ADAP1: variants seen among roughly 807,000 people sequenced by gnomAD.
The protein encoded by ADAP1 is ArfGAP with dual PH domains 1.
A neutral mutation model predicts 54.9 loss-of-function variants in ADAP1; 31 were observed. That is an observed-to-expected ratio of 0.56 (90% CI 0.42 to 0.76). ADAP1 has a LOEUF of 0.76. Ranked by LOEUF, ADAP1 falls within the 30% of genes least tolerant of loss-of-function variation. The pLI, the probability that ADAP1 is intolerant of heterozygous loss-of-function variation, is 0.00. For synonymous variants in ADAP1, 313 were observed against 202.6 expected (o/e 1.55, Z -4.63); for missense variants, 535 against 512.4 (o/e 1.04, Z -0.42).
chr7:909,769 G>A (rs912244867), intron 4 of ADAP1, among the ~76,000 whole-genome samples: 1 of 152,238 alleles, frequency 6.6e-6, no homozygotes, highest in Non-Finnish European at 1.5e-5. Flanking sequence ...TCCTGGGGCA[G>A]GACTCGACCA....
Position 899,103 on chromosome 7 carries a change from G to C in ADAP1, c.1026C>G (p.Ser342=). Residue 342 remains serine (S), a synonymous_variant, in exon 10 of 11, where the codon TCC becomes TCG. Transcript: ENST00000265846. ...RKFLFACETE[S]DQREWVAAFQ... is the part of the protein sequence containing the mutation. ...AGGCCGCCACCCACTCCCTCTGGTC[G>C]GACTCCGTCTCGCAGGCAAACAGAA... 2 of 1,608,526 alleles carry C rather than the reference G, an allele frequency of 1.2e-6. No homozygotes were observed. The highest frequency in any genetic ancestry group is 1.7e-6 in the Non-Finnish European group (2 of 1,179,936).
intron 2 of ADAP1, among the ~76,000 whole-genome samples, chr7:931,096 A>G (rs1395892428): frequency 6.6e-6 from 1 of 150,694 alleles, no homozygotes; most frequent in Non-Finnish European, 1.5e-5. Flanking sequence ...GGAAGGAAGG[A>G]CGGAGGGACG....
chr7:931,603 T>G (rs1415691464), intron 2 of ADAP1, among the ~76,000 whole-genome samples: 1 of 152,030 alleles, frequency 6.6e-6, no homozygotes, highest in Non-Finnish European at 1.5e-5. Context: ...GGACTTCCTT[T>G]CTGGGGTGAT....
intron 6 of ADAP1, chr7:901,030 G>A (rs1416902996): frequency 2.1e-6 from 1 of 474,252 alleles, no homozygotes; most frequent in Admixed American, 2.3e-5. Context: ...GCTCAAGCAA[G>A]TCTTGGGGTG....
intron 1 of ADAP1, among the ~76,000 whole-genome samples, chr7:936,691 G>A (rs527500474): frequency 6.6e-6 from 1 of 152,226 alleles, no homozygotes; most frequent in Non-Finnish European, 1.5e-5. Context: ...ACCCTAGAGA[G>A]AACAGTCTCT....
intron 4 of ADAP1, among the ~76,000 whole-genome samples, chr7:905,838 G>A (rs199609794): frequency 5.2e-3 from 190 of 36,846 alleles, no homozygotes; most frequent in Middle Eastern, 0.026. Flanking sequence ...GAAGGGAGAA[G>A]GGAGAAGGGA....
intron 4 of ADAP1, among the ~76,000 whole-genome samples, 179 bp downstream of exon 4, chr7:919,789 G>GGGGAAGGGGGGA (rs1554274804): frequency 6.7e-5 from 1 of 14,992 alleles, no homozygotes; most frequent in Non-Finnish European, 1.2e-4. Context: ...GGGAGATGGG[G>GGGGAAGGGGGGA]GAGGGAGGGA....
rs376864645 is a variant in ADAP1 at position 899,517 on chromosome 7, G to C, written c.796-27C>G. Reference sequence around the variant, plus strand: ...TGTGGGTCAGAGAGGGCCCGTGACCGGCAGGTCGCCGAGGCAGGCCCTACA... The same window carrying C: ...TGTGGGTCAGAGAGGGCCCGTGACCCGCAGGTCGCCGAGGCAGGCCCTACA... On this transcript the variant is annotated intron_variant, in intron 8 of 10. Coordinates refer to ENST00000265846, the MANE Select transcript of ADAP1 (RefSeq NM_006869.4). The C allele has an allele frequency of 2.5e-5, 40 of 1,607,668 alleles. No individual in the cohort carries two copies. The South Asian group carries it at 4.1e-4, about 16-fold the overall frequency.
At chr7:941,972 G>A (rs932068192) in intron 1 of ADAP1, among the ~76,000 whole-genome samples, 7 of 152,212 alleles carry the variant, frequency 4.6e-5, no homozygotes, top group East Asian at 1.9e-4. Flanking sequence ...GAACAGAATC[G>A]GGAATCTAGA....
At chr7:931,797 G>C (rs1234532069) in intron 2 of ADAP1, among the ~76,000 whole-genome samples, 1 of 150,794 alleles carries the variant, frequency 6.6e-6, no homozygotes, top group Non-Finnish European at 1.5e-5. Flanking sequence ...AACATAAAAT[G>C]TGAAGAAAAG....
At chr7:903,169 G>A (rs1451458525) in intron 6 of ADAP1, among the ~76,000 whole-genome samples, 1 of 152,172 alleles carries the variant, frequency 6.6e-6, no homozygotes, top group East Asian at 1.9e-4. Flanking sequence ...GGTCAACTGC[G>A]GCAAGGAACA....
chr7:925,738 T>C (rs1427282777), intron 3 of ADAP1, among the ~76,000 whole-genome samples: 2 of 152,240 alleles, frequency 1.3e-5, no homozygotes, highest in Non-Finnish European at 2.9e-5. Context: ...CCCGCCGCTT[T>C]CCTGCGGCAC....
At chr7:943,920 T>C (rs1847075067) in intron 1 of ADAP1, among the ~76,000 whole-genome samples, 1 of 151,460 alleles carries the variant, frequency 6.6e-6, no homozygotes, top group African/African-American at 2.4e-5. Flanking sequence ...ATTATTACTA[T>C]TATTATTATT....
At chr7:905,690 GA>G (rs1715866652) in intron 4 of ADAP1, 2 of 85,308 alleles carry the variant, frequency 2.3e-5, no homozygotes, top group East Asian at 4.3e-4. Flanking sequence ...GGAGAAAGGA[GA>G]AAGGAGAAAG....
At chr7:954,043 G>A (rs1847329406) in intron 1 of ADAP1, among the ~76,000 whole-genome samples, 1 of 152,184 alleles carries the variant, frequency 6.6e-6, no homozygotes, top group Admixed American at 6.5e-5. Flanking sequence ...CCTGCAGCCA[G>A]CCCCGATTTC....
Position 900,220 on chromosome 7 carries a change from C to A in ADAP1, c.733-56G>T, listed in dbSNP as rs535302949. 8.9e-5 allele frequency: 142 copies of A among 1,603,940 alleles called. No individual in the cohort carries two copies. The African/African-American group carries it at 1.7e-3, about 20-fold the overall frequency. ...CAGAAGTGCAGCTCAGGCCGAGCCC[C>A]TCCCTGGCTGTGCCCCTCTGTGCTC... On this transcript the variant is annotated intron_variant, in intron 7 of 10. Coordinates refer to ENST00000265846, the MANE Select transcript of ADAP1 (RefSeq NM_006869.4).
In ADAP1 at chr7:899,037, G is replaced by C; in HGVS notation, c.1092C>G (p.Tyr364Ter). 6.2e-7 allele frequency: 1 copy of C among 1,609,334 alleles called. No individual in the cohort carries two copies. The highest frequency in any genetic ancestry group is 8.5e-7 in the Non-Finnish European group (1 of 1,179,858). The change falls in exon 10 of 11, where the codon TAC (tyrosine) becomes TAG (stop). Residue 364 changes from tyrosine to a stop codon, truncating the protein, a stop_gained. Coordinates refer to ENST00000265846, the MANE Select transcript of ADAP1 (RefSeq NM_006869.4). LOFTEE classifies it high-confidence loss of function. ...CCGGCCGCCCGCCCCCCTCACCTGC[G>C]TACTCCTGGGGCAGCATGGGCCTGT... ...AVDRPMLPQE[Y>*]AVEAHFKHKP
intron 4 of ADAP1, 124 bp from the exon 5 acceptor site, chr7:905,296 GA>G (rs1562911211): frequency 2.2e-6 from 1 of 451,512 alleles, no homozygotes; most frequent in East Asian, 3.8e-5. Context: ...GGGGGACACG[GA>G]CAGGGGGAGA....
chr7:913,198 CTTTTT>C (rs10698107), intron 4 of ADAP1, among the ~76,000 whole-genome samples: 3 of 104,212 alleles, frequency 2.9e-5, no homozygotes, highest in East Asian at 2.8e-4. Context: ...CCTCCCCTTC[CTTTTT>C]TTTTTTTTTT....
Sources: gnomAD v4.1 joint callset for allele counts (sites outside exome capture counted in the v4.1 genomes callset) on GRCh38, gnomAD v4.1.1 for gene constraint, MANE v1.5 for transcripts, NCBI Gene and HGNC (gene_info 2026-07-23, HGNC 2026-07-21) for gene names.